Variants in ARFIP1 observed in about 807,000 individuals in gnomAD.
ARFIP1 encodes arfaptin-1.
ARFIP1 carries 24 observed loss-of-function variants against 42.5 expected under a neutral mutation model. The ratio of observed to expected loss-of-function variants is 0.57; its 90% CI spans 0.41 to 0.80. The LOEUF (loss-of-function observed/expected upper bound fraction) is 0.80, where lower values mean the gene tolerates loss of function less well. Among genes scored for constraint, ARFIP1 ranks in the 30% least tolerant of loss-of-function variants. The probability of loss-of-function intolerance (pLI) is 0.00; values close to 1 mark genes in which losing one functional copy is unlikely to be tolerated. For missense variants in ARFIP1, 354 were observed against 434.0 expected (o/e 0.82, Z 1.64); for synonymous variants, 141 against 153.7 (o/e 0.92, Z 0.61).
intron 3 of ARFIP1, among the ~76,000 whole-genome samples, chr4:152,869,599 C>T (rs193223447): frequency 3.3e-5 from 5 of 152,126 alleles, no homozygotes; most frequent in African/African-American, 4.8e-5. Context: ...CAGGCTTGTG[C>T]CACCATGCCC....
chr4:152,885,053 T>C (rs771459638), intron 7 of ARFIP1, among the ~76,000 whole-genome samples: 2 of 152,098 alleles, frequency 1.3e-5, no homozygotes, highest in African/African-American at 2.4e-5. Context: ...TATGATCTTA[T>C]TCATTAAGCT....
intron 2 of ARFIP1, among the ~76,000 whole-genome samples, chr4:152,831,796 A>T (rs1731260925): frequency 6.6e-6 from 1 of 151,774 alleles, no homozygotes; most frequent in South Asian, 2.1e-4. Flanking sequence ...AAGTTCTGGG[A>T]TACATATGCA....
chr4:152,861,236 T>C (rs1323750739), intron 2 of ARFIP1, among the ~76,000 whole-genome samples: 5 of 152,188 alleles, frequency 3.3e-5, no homozygotes. Flanking sequence ...CCTCCAAAGA[T>C]GATGCAAAGT....
intron 4 of ARFIP1, among the ~76,000 whole-genome samples, chr4:152,871,626 A>ATT (rs1372004235): frequency 3.7e-5 from 1 of 27,286 alleles, no homozygotes; most frequent in Non-Finnish European, 7.0e-5. Context: ...GCTGATCCTA[A>ATT]TTTTTTCTTT....
chr4:152,831,640 A>G (rs1731247353), intron 2 of ARFIP1, among the ~76,000 whole-genome samples: 1 of 152,140 alleles, frequency 6.6e-6, no homozygotes, highest in Admixed American at 6.5e-5. Flanking sequence ...ATAATCATAA[A>G]TTGCTTTTGG....
intron 1 of ARFIP1, among the ~76,000 whole-genome samples, chr4:152,826,524 GTACAC>G (rs1425495134): frequency 2.0e-5 from 3 of 152,080 alleles, no homozygotes; most frequent in Admixed American, 2.0e-4. Flanking sequence ...AGGGTACAAT[GTACAC>G]TACCGGGGTG....
chr4:152,838,699 C>T (rs891758869), intron 2 of ARFIP1, among the ~76,000 whole-genome samples: 9 of 151,986 alleles, frequency 5.9e-5, no homozygotes, highest in African/African-American at 1.9e-4. Flanking sequence ...TTAGGGTTTT[C>T]GAGGTAAACA....
chr4:152,867,887 T>A (rs1437574002), intron 3 of ARFIP1, among the ~76,000 whole-genome samples: 1 of 152,252 alleles, frequency 6.6e-6, no homozygotes, highest in Non-Finnish European at 1.5e-5. Flanking sequence ...GCTGCTATAC[T>A]TAAATTAGTT....
intron 7 of ARFIP1, 104 bp downstream of exon 7, chr4:152,882,984 A>G: frequency 1.6e-6 from 2 of 1,242,016 alleles, no homozygotes; most frequent in Non-Finnish European, 2.2e-6. Context: ...CAATATGGGC[A>G]GGAAAAAAAT....
At chr4:152,836,429 A>C (rs1578899777) in intron 2 of ARFIP1, among the ~76,000 whole-genome samples, 1 of 152,172 alleles carries the variant, frequency 6.6e-6, no homozygotes, top group South Asian at 2.1e-4. Context: ...ATTATACCTC[A>C]ATAAAGCTGG....
chr4:152,878,245 G>T (rs1381236503), intron 5 of ARFIP1, among the ~76,000 whole-genome samples: 3 of 152,160 alleles, frequency 2.0e-5, no homozygotes, highest in Non-Finnish European at 4.4e-5. Flanking sequence ...CCAGCTCATT[G>T]TAAGTGATCT....
chr4:152,860,507 A>G (rs924455458), intron 2 of ARFIP1, among the ~76,000 whole-genome samples: 2 of 152,216 alleles, frequency 1.3e-5, no homozygotes, highest in Non-Finnish European at 2.9e-5. Flanking sequence ...AAGCATACTA[A>G]AATGCAACAA....
intron 2 of ARFIP1, among the ~76,000 whole-genome samples, chr4:152,861,151 A>G (rs1733857990): frequency 1.3e-5 from 2 of 152,344 alleles, no homozygotes; most frequent in East Asian, 3.9e-4. Flanking sequence ...TTCATGGTTA[A>G]CTAAAGAAGT....
In ARFIP1 at chr4:152,883,210, T is replaced by C. The variant is rs549109066; in HGVS notation, c.791+330T>C. ...GCTTCATTGCCTTGAGATTATCTAA[T>C]TGAGCCTTGGTCATGTGCCCAAACC... On this transcript the variant is annotated intron_variant, in intron 7 of 8. Transcript: ENST00000353617. 1.8e-4 allele frequency: 42 copies of C among 235,256 alleles called. 1 individual carries two copies. The South Asian group carries it at 2.3e-3, about 13-fold the overall frequency. The allele number at this position is 235,256 out of a possible 1,614,324, so 14.6% of individuals were successfully genotyped here.
chr4:152,841,278 C>T (rs1482714578), intron 2 of ARFIP1, among the ~76,000 whole-genome samples: 1 of 152,096 alleles, frequency 6.6e-6, no homozygotes, highest in African/African-American at 2.4e-5. Context: ...TCGTGATCCG[C>T]CCCCCTCAGC....
At chr4:152,867,220 G>A (rs1364231096) in intron 3 of ARFIP1, among the ~76,000 whole-genome samples, 1 of 152,222 alleles carries the variant, frequency 6.6e-6, no homozygotes, top group Non-Finnish European at 1.5e-5. Flanking sequence ...AGCACTGAGC[G>A]AACGAGACTC....
intron 1 of ARFIP1, among the ~76,000 whole-genome samples, chr4:152,784,256 A>T (rs1212749723): frequency 6.6e-6 from 1 of 152,232 alleles, no homozygotes; most frequent in Non-Finnish European, 1.5e-5. Context: ...GCCTGAAAAT[A>T]ATTTTGTTTT....
At position 152,911,719 on chromosome 4, in the gene ARFIP1, T is replaced by A. The variant is rs183037023; in HGVS notation, c.*1500T>A. ...GGCTTTTTAATTAATATGCCTGTTT[T>A]GAGTGCTTAATACAATGTAATGTGA... is the stretch of plus-strand genomic sequence containing the variant. On this transcript the variant is annotated 3_prime_UTR_variant, in exon 9 of 9. Transcript: ENST00000353617. 1.3e-5 allele frequency: 2 copies of A among 152,758 alleles called. No individual in the cohort carries two copies. The highest frequency in any genetic ancestry group is 3.9e-4 in the East Asian group (2 of 5,188). The allele number at this position is 152,758 out of a possible 1,614,324, so 9.5% of individuals were successfully genotyped here.
intron 2 of ARFIP1, among the ~76,000 whole-genome samples, chr4:152,833,307 T>C (rs1731395855): frequency 1.3e-5 from 2 of 150,928 alleles, no homozygotes; most frequent in East Asian, 3.9e-4. Flanking sequence ...TCACTAATCA[T>C]CAGAGAAATG....
Sources: gnomAD v4.1 joint callset for allele counts (sites outside exome capture counted in the v4.1 genomes callset) on GRCh38, gnomAD v4.1.1 for gene constraint, MANE v1.5 for transcripts, NCBI Gene and HGNC (gene_info 2026-07-23, HGNC 2026-07-21) for gene names.